Variants in LUZP2 observed in about 807,000 individuals in gnomAD.
LUZP2 encodes the protein leucine zipper protein 2.
Under a neutral mutation model 51.6 loss-of-function variants are expected in LUZP2, and 52 were observed. The observed-to-expected ratio is 1.01, with a 90% CI of 0.81 to 1.27. The LOEUF is 1.27. Among genes scored for constraint, LUZP2 ranks in the 50% most tolerant of loss-of-function variants. The probability of loss-of-function intolerance (pLI) is 0.00; values close to 1 mark genes in which losing one functional copy is unlikely to be tolerated. For synonymous variants in LUZP2, 154 were observed against 137.3 expected, an observed-to-expected ratio of 1.12 and a Z score of -0.85; for missense variants, 436 against 395.4, an observed-to-expected ratio of 1.10 and a Z score of -0.87.
chr11:24,521,368 A>AAAGG (rs1564966710), intron 1 of LUZP2, among the ~76,000 whole-genome samples: 2 of 79,906 alleles, frequency 2.5e-5, no homozygotes, highest in African/African-American at 9.3e-5. Flanking sequence ...AAAAAAAAAA[A>AAAGG]GGTGGGGGTG....
chr11:24,779,774 G>T (rs1028800688), intron 5 of LUZP2, among the ~76,000 whole-genome samples: 1 of 152,168 alleles, frequency 6.6e-6, no homozygotes, highest in Non-Finnish European at 1.5e-5. Context: ...GATAATTTCA[G>T]TAGACCCTAA....
intron 7 of LUZP2, among the ~76,000 whole-genome samples, chr11:24,926,501 ATG>A (rs369388590): frequency 0.05 from 6,796 of 135,568 alleles, 407 homozygotes; most frequent in African/African-American, 0.12. Context: ...ATGTGTATAT[ATG>A]TGTGTGTATA....
At chr11:25,023,181 T>C (rs974313148) in intron 9 of LUZP2, among the ~76,000 whole-genome samples, 7 of 152,264 alleles carry the variant, frequency 4.6e-5, no homozygotes, top group African/African-American at 1.4e-4. Flanking sequence ...GTTAAGAGGA[T>C]TCCCTCTTTT....
chr11:24,761,344 A>C (rs917366059), intron 4 of LUZP2, among the ~76,000 whole-genome samples: 2 of 152,146 alleles, frequency 1.3e-5, no homozygotes, highest in African/African-American at 4.8e-5. Flanking sequence ...CTCTATTATA[A>C]AAACAGCAGT....
chr11:24,923,376 C>G (rs757894000), intron 7 of LUZP2, among the ~76,000 whole-genome samples: 3 of 152,044 alleles, frequency 2.0e-5, no homozygotes, highest in Non-Finnish European at 4.4e-5. Context: ...AAACTGCCTC[C>G]CATTTTGTCT....
chr11:24,916,247 T>G (rs1424573824), intron 7 of LUZP2, among the ~76,000 whole-genome samples: 1 of 152,068 alleles, frequency 6.6e-6, no homozygotes, highest in Non-Finnish European at 1.5e-5. Context: ...TTGAGTTACT[T>G]TATATCCTCC....
chr11:24,728,176 C>G (rs1858557370), intron 1 of LUZP2, among the ~76,000 whole-genome samples: 1 of 151,796 alleles, frequency 6.6e-6, no homozygotes, highest in South Asian at 2.1e-4. Flanking sequence ...CATCTTTCAC[C>G]AAAAACACTG....
chr11:24,760,922 G>A (rs996259280), intron 4 of LUZP2, among the ~76,000 whole-genome samples: 1 of 152,172 alleles, frequency 6.6e-6, no homozygotes, highest in Non-Finnish European at 1.5e-5. Context: ...ACTTAACACA[G>A]TCTTAATAAT....
intron 1 of LUZP2, among the ~76,000 whole-genome samples, chr11:24,700,102 C>T (rs947718490): frequency 7.3e-6 from 1 of 137,348 alleles, no homozygotes; most frequent in Non-Finnish European, 1.5e-5. Context: ...CACTCTGTAG[C>T]CTAGGCTGGA....
chr11:24,903,531 C>A lies in LUZP2; in HGVS notation c.397-2460C>A, dbSNP rs148640986. ...AACTCTTAAACTTGATGTATCTGTT[C>A]ATTCACTCTGCATTAAATGTTCATT... On this transcript the variant is annotated intron_variant, in intron 5 of 11. Coordinates refer to ENST00000336930, the MANE Select transcript of LUZP2 (RefSeq NM_001009909.4). 3.0e-3 allele frequency among the ~76,000 whole-genome samples: 462 copies of A among 152,268 alleles called. 6 individuals are homozygous for A. The highest frequency in any genetic ancestry group is 0.017 in the Middle Eastern group (5 of 294).
At chr11:24,984,938 A>G (rs1251190251) in intron 9 of LUZP2, among the ~76,000 whole-genome samples, 1 of 151,526 alleles carries the variant, frequency 6.6e-6, no homozygotes, top group African/African-American at 2.4e-5. Flanking sequence ...TTCCTTCTTC[A>G]GAGAGATGTC....
intron 1 of LUZP2, among the ~76,000 whole-genome samples, chr11:24,700,295 C>T (rs1450839956): frequency 6.6e-6 from 1 of 152,036 alleles, no homozygotes; most frequent in African/African-American, 2.4e-5. Context: ...AACACCTGAC[C>T]TCAGGTGATC....
intron 1 of LUZP2, among the ~76,000 whole-genome samples, chr11:24,722,738 T>C (rs1036952144): frequency 6.6e-6 from 1 of 151,836 alleles, no homozygotes; most frequent in Non-Finnish European, 1.5e-5. Flanking sequence ...GCCAACATGG[T>C]GAAACCCATC....
chr11:24,700,708 T>C (rs1857397626), intron 1 of LUZP2, among the ~76,000 whole-genome samples: 1 of 152,178 alleles, frequency 6.6e-6, no homozygotes. Context: ...ATTGATATAA[T>C]ATTAAAATGG....
At chr11:24,915,730 A>G (rs1276255034) in intron 7 of LUZP2, among the ~76,000 whole-genome samples, 2 of 152,072 alleles carry the variant, frequency 1.3e-5, no homozygotes, top group African/African-American at 4.8e-5. Context: ...TAGATGTGTC[A>G]AGGAAGTAGA....
At chr11:24,905,964 G>T (rs754147977) in intron 5 of LUZP2, 27 bp from the exon 6 acceptor site, 2 of 1,527,650 alleles carry the variant, frequency 1.3e-6, no homozygotes, top group South Asian at 2.2e-5. Flanking sequence ...TCTCTTCTTT[G>T]CAATAAAACT....
intron 4 of LUZP2, among the ~76,000 whole-genome samples, chr11:24,752,786 T>G (rs774879818): frequency 2.6e-5 from 4 of 151,904 alleles, no homozygotes; most frequent in Non-Finnish European, 5.9e-5. Context: ...GGCAAAAAAT[T>G]CAAGATGGCC....
chr11:24,792,851 T>C (rs1410030641), intron 5 of LUZP2, among the ~76,000 whole-genome samples: 2 of 152,188 alleles, frequency 1.3e-5, no homozygotes, highest in Non-Finnish European at 2.9e-5. Context: ...TGTTCCTGAT[T>C]CAGCCAAAGA....
At chr11:24,688,451 G>C (rs1856964857) in intron 1 of LUZP2, among the ~76,000 whole-genome samples, 1 of 152,072 alleles carries the variant, frequency 6.6e-6, no homozygotes. Context: ...TGCCTCTCCT[G>C]AAAGTCTGAT....
Sources: allele counts gnomAD v4.1 joint callset (sites outside exome capture counted in the v4.1 genomes callset), GRCh38; gene constraint gnomAD v4.1.1; transcripts MANE v1.5; gene names NCBI Gene and HGNC (gene_info 2026-07-23, HGNC 2026-07-21).